SIGLEC9: variants seen among roughly 807,000 people sequenced by gnomAD.
SIGLEC9 encodes the protein sialic acid binding Ig like lectin 9.
SIGLEC9 carries 26 observed loss-of-function variants against 38.3 expected under a neutral mutation model. The observed-to-expected ratio is 0.68, with a 90% CI of 0.50 to 0.94. The LOEUF is 0.94. Among genes scored for constraint, SIGLEC9 ranks in the 40% least tolerant of loss-of-function variants. The probability of loss-of-function intolerance (pLI) is 0.00; values close to 1 mark genes in which losing one functional copy is unlikely to be tolerated. For missense variants in SIGLEC9, 556 were observed against 585.7 expected (o/e 0.95, Z 0.52); for synonymous variants, 236 against 248.0 (o/e 0.95, Z 0.45).
At chr19:51,128,743 T>G (rs2122850541) in intron 6 of SIGLEC9, 3 of 472,482 alleles carry the variant, frequency 6.3e-6, no homozygotes, top group Non-Finnish European at 1.1e-5. Flanking sequence ...CTCTGTCTTT[T>G]GTTCCCTCAC....
chr19:51,129,919 A>C lies in SIGLEC9; in HGVS notation c.1232A>C (p.Asp411Ala). 2 of 1,606,892 alleles carry C rather than the reference A, an allele frequency of 1.2e-6. No individual in the cohort carries two copies. The highest frequency in any genetic ancestry group is 1.3e-5 in the African/African-American group (1 of 74,722). ...QGPLTEPWAE[D>A]SPPDQPPPAS... ...CCCCTGACTGAACCTTGGGCAGAAG[A>C]CAGTCCCCCAGACCAGCCTCCCCCA... The change falls in exon 7 of 7, where the codon GAC becomes GCC. Residue 411 changes from aspartate to alanine, a missense_variant. By Grantham distance (126) the Asp-to-Ala change is moderately radical (BLOSUM62 -2). Coordinates refer to ENST00000250360, the MANE Select transcript of SIGLEC9 (RefSeq NM_014441.3).
rs1328000653 is a variant in SIGLEC9, at chr19:51,125,025, A to G, written c.51A>G (p.Gly17=). The G allele has an allele frequency of 5.6e-6, 9 of 1,613,438 alleles. No individual in the cohort carries two copies. In the South Asian group the frequency reaches 8.8e-5, roughly 16 times the overall value. ...TCTGGGGGAGGGAGAGGGCGGAAGG[A>G]CAGACAAGTAAACTGCTGACGATGC... ...PLLWGRERAE[G]QTSKLLTMQS... Residue 17 remains glycine, a synonymous_variant, in exon 1 of 7, where the codon GGA becomes GGG. Coordinates refer to ENST00000250360, the MANE Select transcript of SIGLEC9 (RefSeq NM_014441.3).
chr19:51,130,872 C>T (rs1446857094), downstream of SIGLEC9, among the ~76,000 whole-genome samples: 5 of 152,208 alleles, frequency 3.3e-5, no homozygotes, highest in African/African-American at 9.7e-5. Context: ...GCAACATGCC[C>T]TGTTGGTTCA....
At chr19:51,125,528 G>A (rs2091971698) in intron 1 of SIGLEC9, 69 bp from the exon 2 acceptor site, 4 of 1,581,132 alleles carry the variant, frequency 2.5e-6, no homozygotes, top group Admixed American at 3.7e-5. Context: ...CTGGACCAGA[G>A]CCTGAGCTCC....
intron 5 of SIGLEC9, 41 bp from the exon 6 acceptor site, chr19:51,128,373 A>T (rs1329932734): frequency 6.2e-7 from 1 of 1,605,102 alleles, no homozygotes; most frequent in South Asian, 1.1e-5. Context: ...ACCGCACCCC[A>T]ATCTGACCAC....
chr19:51,121,104 C>G (rs1405681897), upstream of SIGLEC9, among the ~76,000 whole-genome samples: 1 of 151,942 alleles, frequency 6.6e-6, no homozygotes, highest in Non-Finnish European at 1.5e-5. Flanking sequence ...CTCGGCCTCC[C>G]AAAGTGTTGG....
At chr19:51,124,048 T>C (rs1381510526), upstream of SIGLEC9, among the ~76,000 whole-genome samples, 2 of 152,172 alleles carry the variant, frequency 1.3e-5, no homozygotes, top group Admixed American at 1.3e-4. Context: ...TCCCTCATGT[T>C]CTGGAGTAAC....
downstream of SIGLEC9, chr19:51,130,351 G>A (rs560097157): frequency 6.8e-5 from 25 of 365,534 alleles, no homozygotes; most frequent in East Asian, 1.7e-3. Context: ...AAACAGGAAT[G>A]AGAAGCCCTA....
chr19:51,125,180 A>C lies in SIGLEC9; in HGVS notation c.206A>C (p.Asp69Ala), dbSNP rs772204091. 6.2e-7 allele frequency: 1 copy of C among 1,613,964 alleles called. No homozygotes were observed. Among genetic ancestry groups the C allele is most frequent in the Non-Finnish European group, 8.5e-7 (1 of 1,179,980 alleles). The change falls in exon 1 of 7, where the codon GAC becomes GCC. Residue 69 changes from aspartate to alanine, a missense_variant. By Grantham distance (126) the Asp-to-Ala change is moderately radical (BLOSUM62 -2). Transcript: ENST00000250360. ...TGGTTCCGGGAAGGGGCCAATACAGACCAGGATGCTCCAGTGGCCACAAAC... is the reference window on the plus strand; with the variant it reads ...TGGTTCCGGGAAGGGGCCAATACAGCCCAGGATGCTCCAGTGGCCACAAAC... ...GYWFREGANT[D>A]QDAPVATNNP...
rs759073872 is a variant in SIGLEC9 at position 51,125,320 on chromosome 19, A to T, written c.346A>T (p.Arg116Ter). 6.2e-7 allele frequency: 1 copy of T among 1,613,096 alleles called. No homozygotes were observed. The highest frequency in any genetic ancestry group is 1.1e-5 in the South Asian group (1 of 91,030). Residue 116 changes from arginine (R) to a stop codon, truncating the protein, a stop_gained, in exon 1 of 7, where the codon AGA becomes TGA. Transcript: ENST00000250360. LOFTEE classifies it high-confidence loss of function. ...IRDARRSDAG[R>*]YFFRMEKGSI... ...AGATGCCAGAAGAAGTGATGCGGGG[A>T]GATACTTCTTTCGTATGGAGAAAGG...
chr19:51,121,154 G>T (rs2091949425), upstream of SIGLEC9, among the ~76,000 whole-genome samples: 1 of 150,974 alleles, frequency 6.6e-6, no homozygotes, highest in Non-Finnish European at 1.5e-5. Context: ...CAGAGTATGA[G>T]TTTTTTTGTT....
chr19:51,134,545 T>C (rs1223790379), downstream of SIGLEC9, among the ~76,000 whole-genome samples: 3 of 152,236 alleles, frequency 2.0e-5, no homozygotes, highest in Admixed American at 6.5e-5. Flanking sequence ...AAAATCTATG[T>C]ATTTTACTGT....
downstream of SIGLEC9, among the ~76,000 whole-genome samples, chr19:51,134,147 CTT>C (rs71185802): frequency 6.8e-3 from 449 of 66,502 alleles, 5 homozygotes; most frequent in African/African-American, 0.023. Flanking sequence ...TCTTTCTTTT[CTT>C]TTTTTTTTTT....
At chr19:51,124,784 G>A, upstream of SIGLEC9, 2 of 685,190 alleles carry the variant, frequency 2.9e-6, no homozygotes, top group Non-Finnish European at 2.4e-6. Flanking sequence ...GTGGTGGACG[G>A]TGGATCTCCC....
downstream of SIGLEC9, among the ~76,000 whole-genome samples, chr19:51,134,591 A>G (rs1420380379): frequency 6.6e-6 from 1 of 152,102 alleles, no homozygotes; most frequent in African/African-American, 2.4e-5. Context: ...GAAATTAAAA[A>G]CTCTTAAATG....
intron 1 of SIGLEC9, 94 bp from the exon 2 acceptor site, chr19:51,125,503 G>C: frequency 6.4e-7 from 1 of 1,559,588 alleles, no homozygotes; most frequent in South Asian, 1.2e-5. Context: ...GAAGCGAGTT[G>C]GCTCAGGGCA....
intron 6 of SIGLEC9, among the ~76,000 whole-genome samples, chr19:51,129,378 C>T (rs1473084823): frequency 6.6e-6 from 1 of 151,854 alleles, no homozygotes; most frequent in African/African-American, 2.4e-5. Context: ...CCAGGATGGT[C>T]TCAGTCTCCT....
intron 6 of SIGLEC9, among the ~76,000 whole-genome samples, chr19:51,135,785 A>T (rs569926785): frequency 1.3e-5 from 2 of 151,978 alleles, no homozygotes; most frequent in South Asian, 4.2e-4. Context: ...TTCTTTTTTT[A>T]AAAATTTTTG....
At chr19:51,135,421 AT>A (rs1442468838) in intron 6 of SIGLEC9, among the ~76,000 whole-genome samples, 7 of 152,186 alleles carry the variant, frequency 4.6e-5, no homozygotes, top group African/African-American at 1.7e-4. Flanking sequence ...TCTTTGGCTT[AT>A]ATGATTTCTG....
Sources: allele counts gnomAD v4.1 joint callset (sites outside exome capture counted in the v4.1 genomes callset), GRCh38; gene constraint gnomAD v4.1.1; transcripts MANE v1.5; gene names NCBI Gene and HGNC (gene_info 2026-07-23, HGNC 2026-07-21).